Variants in ANKS1B observed in about 807,000 individuals in gnomAD.
ANKS1B encodes ankyrin repeat and sterile alpha motif domain-containing protein 1B.
In ANKS1B, 36 loss-of-function variants were observed where a neutral mutation model predicts 148.3. That is an observed-to-expected ratio of 0.24 (90% CI 0.19 to 0.32). ANKS1B has a LOEUF of 0.32. Ranked by LOEUF, ANKS1B falls within the 10% of genes least tolerant of loss-of-function variation. The pLI, the probability that ANKS1B is intolerant of heterozygous loss-of-function variation, is 1.00. For synonymous variants in ANKS1B, 542 were observed against 560.8 expected, an observed-to-expected ratio of 0.97 and a Z score of 0.47; for missense variants, 1,157 against 1,542.6, an observed-to-expected ratio of 0.75 and a Z score of 4.19.
chr12:99,291,213 C>G (rs564825718), intron 12 of ANKS1B, among the ~76,000 whole-genome samples: 9 of 151,976 alleles, frequency 5.9e-5, no homozygotes, highest in Non-Finnish European at 1.3e-4. Context: ...CTGTAAAACA[C>G]TGATGCAAGA....
intron 9 of ANKS1B, among the ~76,000 whole-genome samples, chr12:99,531,975 T>C (rs1366435515): frequency 6.6e-6 from 1 of 152,208 alleles, no homozygotes; most frequent in Admixed American, 6.5e-5. Context: ...CATGTGTTTG[T>C]TGGCCATTTG....
intron 14 of ANKS1B, among the ~76,000 whole-genome samples, chr12:99,181,241 C>G (rs999087945): frequency 5.9e-5 from 9 of 151,986 alleles, no homozygotes; most frequent in Admixed American, 3.3e-4. Context: ...GAAAAAGAAG[C>G]CTTGGCTTTT....
At chr12:99,220,926 A>G (rs1304588991) in intron 14 of ANKS1B, among the ~76,000 whole-genome samples, 1 of 152,232 alleles carries the variant, frequency 6.6e-6, no homozygotes, top group Non-Finnish European at 1.5e-5. Context: ...ACTAGAAGAA[A>G]TTATAATAAG....
intron 11 of ANKS1B, among the ~76,000 whole-genome samples, chr12:99,407,215 T>C (rs114867447): frequency 6.9e-6 from 1 of 145,968 alleles, no homozygotes; most frequent in South Asian, 2.1e-4. Context: ...GATGCAAGGA[T>C]GGTTCAACTT....
At chr12:98,974,632 C>A (rs2099889343) in intron 17 of ANKS1B, among the ~76,000 whole-genome samples, 2 of 150,340 alleles carry the variant, frequency 1.3e-5, no homozygotes, top group Non-Finnish European at 3.0e-5. Context: ...GGCAAACAAC[C>A]CATGGAGTAA....
At chr12:99,065,590 T>TCATCCATC (rs200122902) in intron 16 of ANKS1B, among the ~76,000 whole-genome samples, 962 of 67,166 alleles carry the variant, frequency 0.014, 8 homozygotes, top group Non-Finnish European at 0.019. Context: ...TCCATTCCAT[T>TCATCCATC]CATCCATCCA....
intron 16 of ANKS1B, among the ~76,000 whole-genome samples, chr12:99,072,846 C>T (rs1029298131): frequency 6.6e-6 from 1 of 152,114 alleles, no homozygotes; most frequent in African/African-American, 2.4e-5. Context: ...TTAAGCTGCA[C>T]GAGGACAGTG....
At chr12:99,668,420 T>A (rs1251447061) in intron 8 of ANKS1B, among the ~76,000 whole-genome samples, 3 of 151,886 alleles carry the variant, frequency 2.0e-5, no homozygotes, top group Non-Finnish European at 4.4e-5. Flanking sequence ...TTTTATCTCA[T>A]TTTTTTTAAA....
At chr12:99,105,783 A>C (rs915295687) in intron 15 of ANKS1B, among the ~76,000 whole-genome samples, 20 of 151,794 alleles carry the variant, frequency 1.3e-4, no homozygotes, top group Non-Finnish European at 2.1e-4. Flanking sequence ...AAAAAAAAAA[A>C]AAAAAACTAA....
intron 12 of ANKS1B, among the ~76,000 whole-genome samples, chr12:99,320,718 G>C (rs576202652): frequency 1.3e-5 from 2 of 152,072 alleles, no homozygotes; most frequent in Non-Finnish European, 2.9e-5. Context: ...GTCATTTTCC[G>C]TTCAGCTTTG....
chr12:99,418,584 C>G (rs955761043), intron 11 of ANKS1B, among the ~76,000 whole-genome samples: 7 of 152,166 alleles, frequency 4.6e-5, no homozygotes, highest in Admixed American at 3.9e-4. Flanking sequence ...ATCATGTCAT[C>G]TGCAAATAGG....
intron 12 of ANKS1B, among the ~76,000 whole-genome samples, chr12:99,263,515 C>T (rs1164699230): frequency 1.3e-5 from 2 of 152,052 alleles, no homozygotes; most frequent in African/African-American, 2.4e-5. Context: ...TTATTTATCA[C>T]TTGATCAACT....
At chr12:99,526,842 A>G (rs1013397039) in intron 9 of ANKS1B, among the ~76,000 whole-genome samples, 3 of 152,228 alleles carry the variant, frequency 2.0e-5, no homozygotes, top group African/African-American at 7.2e-5. Flanking sequence ...AGAATGTGAC[A>G]TTATTTAGAA....
chr12:99,837,249 A>G (rs1297706677), intron 1 of ANKS1B, among the ~76,000 whole-genome samples: 5 of 152,166 alleles, frequency 3.3e-5, no homozygotes, highest in African/African-American at 9.7e-5. Flanking sequence ...AGCCTTCAGG[A>G]AAGAATGCAG....
rs371795776 is a variant in ANKS1B, at chr12:99,369,566, T to A, written c.1756+30065A>T. 6.9e-4 allele frequency among the ~76,000 whole-genome samples: 105 copies of A among 152,276 alleles called. 2 individuals carry two copies. In the South Asian group the frequency reaches 0.021, roughly 30 times the overall value. On this transcript the variant is annotated intron_variant, in intron 12 of 26. Coordinates refer to ENST00000683438, the MANE Select transcript of ANKS1B (RefSeq NM_001352186.2). ...TGCTAGATGAAATAGGCTGATTAGA[T>A]ATCACTTGATTAAGAAATTATAATT... is the stretch of plus-strand genomic sequence containing the variant.
intron 4 of ANKS1B, among the ~76,000 whole-genome samples, chr12:99,790,372 G>C (rs954120503): frequency 6.6e-6 from 1 of 152,084 alleles, no homozygotes; most frequent in Non-Finnish European, 1.5e-5. Flanking sequence ...GCTAAAGGGA[G>C]TTCTTCAATC....
chr12:99,292,564 C>A (rs2080170392), intron 12 of ANKS1B, among the ~76,000 whole-genome samples: 1 of 150,286 alleles, frequency 6.7e-6, no homozygotes, highest in African/African-American at 2.4e-5. Flanking sequence ...GAGCAGGCAA[C>A]CTACAGAATG....
At chr12:99,677,817 C>A (rs967083513) in intron 8 of ANKS1B, among the ~76,000 whole-genome samples, 1 of 151,874 alleles carries the variant, frequency 6.6e-6, no homozygotes. Flanking sequence ...ACTAAAAATA[C>A]AAAAAATTAG....
rs1367139984 is a variant in ANKS1B at position 99,655,157 on chromosome 12, A to C, written c.1182T>G (p.Asp394Glu). The C allele has an allele frequency of 6.2e-7, 1 of 1,612,720 alleles. No homozygotes were observed. Among genetic ancestry groups the C allele is most frequent in the Non-Finnish European group, 8.5e-7 (1 of 1,179,172 alleles). ...CTGATGGCCCACACGTATTTTCATCATCATCCTCTTCTTCCACTTCTCCTG... is the reference window on the plus strand; with the variant it reads ...CTGATGGCCCACACGTATTTTCATCCTCATCCTCTTCTTCCACTTCTCCTG... Reference protein sequence around the residue: ...LSPGEVEEEDDDENTCGPSGL... With the variant: ...LSPGEVEEEDEDENTCGPSGL... The change falls in exon 9 of 27, where the codon GAT (aspartate) becomes GAG (glutamate). Residue 394 changes from aspartate to glutamate, a missense_variant. By Grantham distance (45) the Asp-to-Glu change is conservative. Transcript: ENST00000683438.
Sources: allele counts gnomAD v4.1 joint callset (sites outside exome capture counted in the v4.1 genomes callset), GRCh38; gene constraint gnomAD v4.1.1; transcripts MANE v1.5; gene names NCBI Gene and HGNC (gene_info 2026-07-23, HGNC 2026-07-21).